Variants in MGMT observed in about 807,000 individuals in gnomAD.
MGMT encodes O-6-methylguanine-DNA methyltransferase, also known as methylated-DNA--protein-cysteine methyltransferase.
MGMT carries 14 observed loss-of-function variants against 15.9 expected under a neutral mutation model. The ratio of observed to expected loss-of-function variants is 0.88; its 90% CI spans 0.58 to 1.37. The LOEUF is 1.37. Among genes scored for constraint, MGMT ranks in the 40% most tolerant of loss-of-function variants. The pLI is 0.00. For synonymous variants in MGMT, 130 were observed against 118.2 expected, an observed-to-expected ratio of 1.10 and a Z score of -0.65; for missense variants, 282 against 268.1, an observed-to-expected ratio of 1.05 and a Z score of -0.36.
At chr10:129,638,446 GA>G (rs1157292152) in intron 2 of MGMT, among the ~76,000 whole-genome samples, 27 of 96,342 alleles carry the variant, frequency 2.8e-4, no homozygotes, top group South Asian at 1.6e-3. Flanking sequence ...AAAAAAAAAA[GA>G]AAAAAAAAAG....
rs7906249 is a variant in MGMT, at chr10:129,519,609, G to T, written c.-12-16632G>T. Among the ~76,000 whole-genome samples the T allele has an allele frequency of 3.5e-3, 529 of 152,296 alleles. 6 individuals are homozygous for T. Among genetic ancestry groups the T allele is most frequent in the African/African-American group, 0.012 (512 of 41,550 alleles). On this transcript the variant is annotated intron_variant, in intron 1 of 4. Coordinates refer to ENST00000651593, the MANE Select transcript of MGMT (RefSeq NM_002412.5). ...GAGCATGTTGGGAACACCGGGAGCC[G>T]CTGGAACGTGTCTGGAACACCAGGC...
At chr10:129,517,205 G>A (rs7917287) in intron 1 of MGMT, among the ~76,000 whole-genome samples, 4,793 of 152,318 alleles carry the variant, frequency 0.031, 119 homozygotes, top group South Asian at 0.065. Flanking sequence ...CTCCTGGACA[G>A]CGAGGGGCAG....
chr10:129,740,976 T>C (rs1354639308), intron 3 of MGMT, among the ~76,000 whole-genome samples: 1 of 152,156 alleles, frequency 6.6e-6, no homozygotes, highest in Non-Finnish European at 1.5e-5. Flanking sequence ...TTCCCTAACG[T>C]TGCTCAAACT....
chr10:129,598,439 C>G (rs984314553), intron 2 of MGMT, among the ~76,000 whole-genome samples: 1 of 11,570 alleles, frequency 8.6e-5, no homozygotes. Context: ...GTGGGCCTGG[C>G]ACATCCTGGG....
chr10:129,587,687 C>T (rs1204860524), intron 2 of MGMT, among the ~76,000 whole-genome samples: 4 of 151,666 alleles, frequency 2.6e-5, no homozygotes, highest in Admixed American at 1.3e-4. Flanking sequence ...CCACCCGCCT[C>T]GGCTTCCCAA....
chr10:129,603,754 A>T (rs1846852563), intron 2 of MGMT, among the ~76,000 whole-genome samples: 1 of 152,256 alleles, frequency 6.6e-6, no homozygotes, highest in South Asian at 2.1e-4. Flanking sequence ...GGGCACAAAA[A>T]ATACCAGCAC....
chr10:129,724,224 C>A (rs528981302), intron 3 of MGMT, among the ~76,000 whole-genome samples: 4 of 152,108 alleles, frequency 2.6e-5, no homozygotes, highest in Non-Finnish European at 4.4e-5. Context: ...GAATAATCCA[C>A]AGACACACAC....
intron 2 of MGMT, among the ~76,000 whole-genome samples, chr10:129,646,719 A>AATATATACATATATATATATATAT (rs1847393057): frequency 4.9e-5 from 4 of 81,718 alleles, no homozygotes; most frequent in African/African-American, 1.4e-4. Context: ...GCCCATCAGA[A>AATATATACATATATATATATATAT]ATATATATAT....
At chr10:129,599,779 A>G (rs1846796575) in intron 2 of MGMT, among the ~76,000 whole-genome samples, 1 of 152,132 alleles carries the variant, frequency 6.6e-6, no homozygotes, top group African/African-American at 2.4e-5. Context: ...GGTTGTTTCT[A>G]TACTGTTTGT....
chr10:129,473,140 C>T (rs1035466311), intron 1 of MGMT, among the ~76,000 whole-genome samples: 12 of 152,174 alleles, frequency 7.9e-5, no homozygotes, highest in African/African-American at 2.9e-4. Context: ...GGATCTGACA[C>T]GATGGCAGTG....
At chr10:129,721,514 C>A (rs1848371046) in intron 3 of MGMT, among the ~76,000 whole-genome samples, 1 of 152,142 alleles carries the variant, frequency 6.6e-6, no homozygotes, top group African/African-American at 2.4e-5. Flanking sequence ...TGAAAATTTT[C>A]TTCTATTATT....
intron 2 of MGMT, among the ~76,000 whole-genome samples, chr10:129,604,578 T>G (rs1203080053): frequency 6.6e-6 from 1 of 152,094 alleles, no homozygotes. Flanking sequence ...TTTTCAAAAT[T>G]GGCTTCATCT....
At chr10:129,494,663 TA>T (rs1157586606) in intron 1 of MGMT, among the ~76,000 whole-genome samples, 1 of 152,184 alleles carries the variant, frequency 6.6e-6, no homozygotes, top group Non-Finnish European at 1.5e-5. Flanking sequence ...TAAATTTTAT[TA>T]CATTCCAATT....
intron 1 of MGMT, among the ~76,000 whole-genome samples, chr10:129,516,035 G>A (rs1194462358): frequency 6.6e-6 from 1 of 152,242 alleles, no homozygotes; most frequent in Non-Finnish European, 1.5e-5. Context: ...AGGTTTGGGT[G>A]TGAGCAGCCT....
At chr10:129,597,729 G>A (rs1456337582) in intron 2 of MGMT, among the ~76,000 whole-genome samples, 1 of 152,140 alleles carries the variant, frequency 6.6e-6, no homozygotes, top group African/African-American at 2.4e-5. Flanking sequence ...TTTTTAAAGG[G>A]TTGTAGGAAA....
At chr10:129,759,377 C>G in intron 4 of MGMT, 36 bp downstream of exon 4, 1 of 1,612,942 alleles carries the variant, frequency 6.2e-7, no homozygotes, top group African/African-American at 1.3e-5. Context: ...CTGTGGGTGG[C>G]GGGTGCGTGC....
At position 129,761,417 on chromosome 10, in the gene MGMT, G is replaced by A. The variant is rs111874689; in HGVS notation, c.414+2076G>A. ...CAAGCTCCACTAACTGACATGTGCA[G>A]CGTGGCAGCACCCTCCCCCACCAGC... On this transcript the variant is annotated intron_variant, in intron 4 of 4. Coordinates refer to ENST00000651593, the MANE Select transcript of MGMT (RefSeq NM_002412.5). 3.3e-5 allele frequency among the ~76,000 whole-genome samples: 5 copies of A among 152,356 alleles called. 1 individual carries two copies. The highest frequency in any genetic ancestry group is 1.2e-4 in the African/African-American group (5 of 41,586).
At chr10:129,522,341 A>G (rs1845820613) in intron 1 of MGMT, among the ~76,000 whole-genome samples, 1 of 152,216 alleles carries the variant, frequency 6.6e-6, no homozygotes, top group African/African-American at 2.4e-5. Context: ...CCTTTGCCTC[A>G]GGTGGCCAGA....
rs1201597721 is a variant in MGMT, at chr10:129,556,308, G to C, written c.125+19931G>C. On this transcript the variant is annotated intron_variant, in intron 2 of 4. Transcript: ENST00000651593. This position sits in a 1 kb window ranked among gnomAD's most constrained non-coding sequence, Gnocchi z 4.3. ...ATAGGGTCTCTTAGAAAGGTGATTA[G>C]GGTAACTCAGGGTCATTAGAGGAGC... Among the ~76,000 whole-genome samples the C allele has an allele frequency of 6.6e-6, 1 of 152,166 alleles. No individual in the cohort carries two copies. The highest frequency in any genetic ancestry group is 1.5e-5 in the Non-Finnish European group (1 of 68,018).
Sources: gnomAD v4.1 joint callset for allele counts (sites outside exome capture counted in the v4.1 genomes callset) on GRCh38, gnomAD v4.1.1 for gene constraint, Gnocchi (gnomAD v3.1) non-coding constraint, MANE v1.5 for transcripts, NCBI Gene and HGNC (gene_info 2026-07-23, HGNC 2026-07-21) for gene names.